The following MKLN1 variants were observed in gnomAD, a reference collection of about 807,000 sequenced individuals.
MKLN1 encodes muskelin 1.
In MKLN1, 18 loss-of-function variants were observed where a neutral mutation model predicts 99.0. That is an observed-to-expected ratio of 0.18 (90% CI 0.13 to 0.27). The LOEUF (loss-of-function observed/expected upper bound fraction) is 0.27, where lower values mean the gene tolerates loss of function less well. MKLN1 is among the 10% of genes least tolerant of loss of function. The probability of loss-of-function intolerance (pLI) is 1.00; values close to 1 mark genes in which losing one functional copy is unlikely to be tolerated. For missense variants in MKLN1, 621 were observed against 875.9 expected (o/e 0.71, Z 3.67); for synonymous variants, 288 against 293.2 (o/e 0.98, Z 0.18).
At chr7:131,267,040 TG>T (rs1453186306) in intron 3 of MKLN1, among the ~76,000 whole-genome samples, 1 of 151,862 alleles carries the variant, frequency 6.6e-6, no homozygotes. Context: ...TTCTAAGAAA[TG>T]AGACTTTCCG....
intron 1 of MKLN1, among the ~76,000 whole-genome samples, chr7:131,125,594 G>A (rs918028127): frequency 2.0e-5 from 3 of 152,208 alleles, no homozygotes; most frequent in Middle Eastern, 3.2e-3. Context: ...GATCAGGCTA[G>A]GCACTGTGGC....
At chr7:131,476,506 T>C (rs1796972365) in intron 16 of MKLN1, among the ~76,000 whole-genome samples, 1 of 152,090 alleles carries the variant, frequency 6.6e-6, no homozygotes. Flanking sequence ...ATACTAGCAG[T>C]GAACAATTAG....
chr7:131,164,707 C>A (rs952402200), intron 2 of MKLN1, among the ~76,000 whole-genome samples: 3 of 152,098 alleles, frequency 2.0e-5, no homozygotes, highest in African/African-American at 7.2e-5. Flanking sequence ...AATTCCTTAG[C>A]GGTTTCAAAT....
At chr7:131,461,635 A>G (rs1382158723) in intron 12 of MKLN1, among the ~76,000 whole-genome samples, 2 of 152,246 alleles carry the variant, frequency 1.3e-5, no homozygotes, top group Admixed American at 6.5e-5. Context: ...ACCAAGATCA[A>G]TATGGCTGGC....
At chr7:131,262,475 C>G (rs144188203) in intron 3 of MKLN1, among the ~76,000 whole-genome samples, 1 of 152,100 alleles carries the variant, frequency 6.6e-6, no homozygotes, top group Non-Finnish European at 1.5e-5. Context: ...CTACCCCCTC[C>G]TCCAAAATGT....
intron 3 of MKLN1, among the ~76,000 whole-genome samples, chr7:131,216,474 G>C (rs1282177779): frequency 6.6e-6 from 1 of 151,512 alleles, no homozygotes; most frequent in Non-Finnish European, 1.5e-5. Context: ...GGAGAAAACT[G>C]TGTCTTTTAA....
chr7:131,481,864 A>G (rs1230619294), intron 17 of MKLN1, among the ~76,000 whole-genome samples: 1 of 151,432 alleles, frequency 6.6e-6, no homozygotes, highest in Non-Finnish European at 1.5e-5. Context: ...GACTTCCTCC[A>G]GAAATAATCC....
At chr7:131,375,398 AT>A (rs755495905) in intron 1 of MKLN1, 25 bp from the exon 2 acceptor site, 3 of 1,517,556 alleles carry the variant, frequency 2.0e-6, no homozygotes, top group Non-Finnish European at 2.7e-6. Context: ...TGTTCTCTTA[AT>A]TTTTTAATAC....
Position 131,159,110 on chromosome 7 carries a change from C to G in MKLN1, c.-297+16169C>G, listed in dbSNP as rs6979615. On this transcript the variant is annotated intron_variant, in intron 2 of 7. Transcript: ENST00000416992. ...TAGGGAGGCTGAAGTGAGAGGATCGCCTGAGCCCGGAGGTGGAGGTTGCAG... is the reference window on the plus strand; with the variant it reads ...TAGGGAGGCTGAAGTGAGAGGATCGGCTGAGCCCGGAGGTGGAGGTTGCAG... Among the ~76,000 whole-genome samples the G allele has an allele frequency of 3.9e-3, 594 of 152,218 alleles. 6 individuals carry two copies. Among genetic ancestry groups the G allele is most frequent in the African/African-American group, 0.014 (562 of 41,528 alleles).
chr7:131,157,461 C>T, intron 2 of MKLN1, among the ~76,000 whole-genome samples: 1 of 152,066 alleles, frequency 6.6e-6, no homozygotes, highest in East Asian at 1.9e-4. Flanking sequence ...CTGCCACTTG[C>T]TATATGATTT....
At chr7:131,242,650 G>T in intron 3 of MKLN1, 1 of 576,350 alleles carries the variant, frequency 1.7e-6, no homozygotes, top group South Asian at 1.7e-5. Context: ...TGCTATTCTG[G>T]ATGCAAAGCC....
chr7:131,227,663 T>C (rs972542478), intron 3 of MKLN1, among the ~76,000 whole-genome samples: 4 of 151,548 alleles, frequency 2.6e-5, no homozygotes, highest in Non-Finnish European at 5.9e-5. Flanking sequence ...TCTCCCAGGT[T>C]CAAGCAATTC....
At chr7:131,223,091 A>G (rs576726432) in intron 3 of MKLN1, among the ~76,000 whole-genome samples, 20 of 152,280 alleles carry the variant, frequency 1.3e-4, no homozygotes, top group Admixed American at 6.5e-4. Flanking sequence ...TGCTATCTTC[A>G]TGGTAAGAAG....
intron 12 of MKLN1, among the ~76,000 whole-genome samples, chr7:131,452,218 A>G (rs185879654): frequency 1.3e-5 from 2 of 152,278 alleles, no homozygotes; most frequent in East Asian, 1.9e-4. Flanking sequence ...TAATTCTAGA[A>G]AAATTATATA....
intron 2 of MKLN1, among the ~76,000 whole-genome samples, chr7:131,381,495 A>G (rs867015611): frequency 2.0e-5 from 3 of 152,348 alleles, no homozygotes; most frequent in Middle Eastern, 3.4e-3. Flanking sequence ...TCACTGTGAA[A>G]ATGACTTTAA....
At chr7:131,349,589 CA>C (rs1311352427) in intron 1 of MKLN1, among the ~76,000 whole-genome samples, 1 of 152,138 alleles carries the variant, frequency 6.6e-6, no homozygotes, top group Non-Finnish European at 1.5e-5. Context: ...AGATCATGTC[CA>C]AATTTAATGA....
chr7:131,451,379 A>G (rs1796172364), intron 12 of MKLN1, among the ~76,000 whole-genome samples: 1 of 152,134 alleles, frequency 6.6e-6, no homozygotes, highest in African/African-American at 2.4e-5. Flanking sequence ...CAATGTGAGT[A>G]TCAAATGGGA....
intron 4 of MKLN1, 61 bp downstream of exon 4, chr7:131,389,033 A>T (rs868175956): frequency 1.8e-6 from 2 of 1,112,544 alleles, no homozygotes; most frequent in Middle Eastern, 2.0e-4. Context: ...AGCAAACTAT[A>T]GCCCATAGAC....
intron 3 of MKLN1, among the ~76,000 whole-genome samples, chr7:131,225,555 C>T (rs564160048): frequency 3.3e-5 from 5 of 152,286 alleles, no homozygotes; most frequent in African/African-American, 9.6e-5. Flanking sequence ...AAGATAAAAA[C>T]ATTCACTTTG....
Sources: allele counts gnomAD v4.1 joint callset (sites outside exome capture counted in the v4.1 genomes callset), GRCh38; gene constraint gnomAD v4.1.1; transcripts MANE v1.5; gene names NCBI Gene and HGNC (gene_info 2026-07-23, HGNC 2026-07-21).